NAALADL2: variants seen among roughly 807,000 people sequenced by gnomAD.
NAALADL2 encodes inactive N-acetylated-alpha-linked acidic dipeptidase-like protein 2.
In NAALADL2, 76 loss-of-function variants were observed where a neutral mutation model predicts 87.2. That is an observed-to-expected ratio of 0.87 (90% CI 0.72 to 1.05). NAALADL2 has a LOEUF of 1.05. NAALADL2 is among the 50% of genes least tolerant of loss of function. The probability of loss-of-function intolerance (pLI) is 0.00; values close to 1 mark genes in which losing one functional copy is unlikely to be tolerated. For missense variants in NAALADL2, 1,089 were observed against 945.8 expected, an observed-to-expected ratio of 1.15 and a Z score of -1.99; for synonymous variants, 354 against 331.0, an observed-to-expected ratio of 1.07 and a Z score of -0.75.
At chr3:175,444,947 C>A (rs762621218) in intron 5 of NAALADL2, among the ~76,000 whole-genome samples, 1 of 152,100 alleles carries the variant, frequency 6.6e-6, no homozygotes, top group African/African-American at 2.4e-5. Context: ...AGGAAACACT[C>A]GTGTAACATA....
intron 1 of NAALADL2, among the ~76,000 whole-genome samples, chr3:174,864,831 T>C (rs1726950195): frequency 6.6e-6 from 1 of 152,100 alleles, no homozygotes; most frequent in Non-Finnish European, 1.5e-5. Flanking sequence ...GGAGGACTAT[T>C]AACCAAACAT....
chr3:174,492,814 C>A (rs1718288057), intron 1 of NAALADL2, among the ~76,000 whole-genome samples: 1 of 152,178 alleles, frequency 6.6e-6, no homozygotes, highest in Non-Finnish European at 1.5e-5. Context: ...CAGAGGGAGT[C>A]AGTCTGACCA....
intron 5 of NAALADL2, among the ~76,000 whole-genome samples, chr3:175,425,927 A>C (rs6791205): frequency 0.81 from 123,656 of 152,106 alleles, 50,426 homozygotes; most frequent in East Asian, 0.87. Context: ...AATACTGAGA[A>C]AGATATAATT....
At chr3:175,035,239 T>C (rs1376246518) in intron 1 of NAALADL2, among the ~76,000 whole-genome samples, 5 of 152,136 alleles carry the variant, frequency 3.3e-5, no homozygotes, top group African/African-American at 1.2e-4. Context: ...GAAGTTTGAA[T>C]TGGTTGACAG....
intron 1 of NAALADL2, among the ~76,000 whole-genome samples, chr3:175,045,782 C>A (rs1754590860): frequency 6.6e-6 from 1 of 152,090 alleles, no homozygotes; most frequent in Non-Finnish European, 1.5e-5. Flanking sequence ...ATGAAGCATG[C>A]CTTCCTTCTA....
chr3:175,439,696 TTTTCTTGTG>T (rs1719381200), intron 5 of NAALADL2, among the ~76,000 whole-genome samples: 1 of 151,610 alleles, frequency 6.6e-6, no homozygotes, highest in Admixed American at 6.6e-5. Context: ...TTGTTTGTGT[TTTTCTTGTG>T]TTTCTTGTGT....
intron 2 of NAALADL2, among the ~76,000 whole-genome samples, chr3:174,653,849 A>C (rs1204162696): frequency 6.6e-6 from 1 of 152,182 alleles, no homozygotes. Flanking sequence ...AGGCCTACGC[A>C]TAAGGTCATG....
At chr3:174,718,435 T>C (rs1196921214) in intron 2 of NAALADL2, among the ~76,000 whole-genome samples, 1 of 152,152 alleles carries the variant, frequency 6.6e-6, no homozygotes, top group Non-Finnish European at 1.5e-5. Flanking sequence ...CTTCTACAGG[T>C]CAGAGTTCAT....
intron 9 of NAALADL2, among the ~76,000 whole-genome samples, chr3:175,566,774 C>A (rs1315865925): frequency 6.6e-6 from 1 of 151,956 alleles, no homozygotes. Context: ...ATCAGCATAT[C>A]TTTCTTCTTT....
At chr3:175,307,092 T>G (rs1689640526) in intron 4 of NAALADL2, among the ~76,000 whole-genome samples, 1 of 152,130 alleles carries the variant, frequency 6.6e-6, no homozygotes, top group Non-Finnish European at 1.5e-5. Context: ...ATTTTAAAAT[T>G]TGTTTAAAAC....
chr3:174,801,355 G>A (rs1435764523), intron 3 of NAALADL2, among the ~76,000 whole-genome samples: 3 of 152,166 alleles, frequency 2.0e-5, no homozygotes, highest in African/African-American at 7.2e-5. Context: ...CCCTGCACAA[G>A]CTCTCTCTTT....
chr3:175,178,231 G>A (rs937615994), intron 2 of NAALADL2, among the ~76,000 whole-genome samples: 5 of 151,912 alleles, frequency 3.3e-5, no homozygotes, highest in Non-Finnish European at 7.4e-5. Flanking sequence ...GTTGGTGTTA[G>A]TTATATAATT....
At chr3:174,836,191 G>A (rs1179039349) in intron 3 of NAALADL2, among the ~76,000 whole-genome samples, 2 of 152,170 alleles carry the variant, frequency 1.3e-5, no homozygotes, top group African/African-American at 4.8e-5. Context: ...CTGCAACAGG[G>A]ATGAACCTTG....
chr3:175,199,561 G>C (rs1376494454), intron 2 of NAALADL2, among the ~76,000 whole-genome samples: 2 of 151,734 alleles, frequency 1.3e-5, no homozygotes, highest in Non-Finnish European at 2.9e-5. Context: ...CAAGCAAATT[G>C]TAAGTATCAA....
chr3:175,615,718 C>T (rs1004838685), intron 10 of NAALADL2, among the ~76,000 whole-genome samples: 3 of 151,556 alleles, frequency 2.0e-5, no homozygotes, highest in African/African-American at 7.3e-5. Context: ...ATCAGCCAGG[C>T]GTGTGGCACG....
chr3:174,857,142 G>C (rs764721035), upstream of NAALADL2, among the ~76,000 whole-genome samples: 113 of 152,236 alleles, frequency 7.4e-4, 3 homozygotes, highest in Admixed American at 1.8e-3. Flanking sequence ...AAGAATTTCT[G>C]CATATGAATT....
At chr3:174,745,213 A>G (rs1333708803) in intron 3 of NAALADL2, among the ~76,000 whole-genome samples, 1 of 152,110 alleles carries the variant, frequency 6.6e-6, no homozygotes, top group Non-Finnish European at 1.5e-5. Context: ...AATAAAGTAG[A>G]AAAGAGAGAA....
chr3:175,384,733 T>G (rs949153773), intron 5 of NAALADL2, among the ~76,000 whole-genome samples: 1 of 151,434 alleles, frequency 6.6e-6, no homozygotes, highest in African/African-American at 2.4e-5. Context: ...TATTACCAAT[T>G]TTATTACCAA....
At chr3:174,965,507 C>A (rs1366553634) in intron 1 of NAALADL2, among the ~76,000 whole-genome samples, 1 of 151,906 alleles carries the variant, frequency 6.6e-6, no homozygotes, top group African/African-American at 2.4e-5. Flanking sequence ...GTAAAGATTT[C>A]AAATATATGC....
Sources: allele counts gnomAD v4.1 joint callset (sites outside exome capture counted in the v4.1 genomes callset), GRCh38; gene constraint gnomAD v4.1.1; transcripts MANE v1.5; gene names NCBI Gene and HGNC (gene_info 2026-07-23, HGNC 2026-07-21).